The following SUMF1 variants were observed in gnomAD, a reference collection of about 807,000 sequenced individuals.
SUMF1 encodes the protein formylglycine-generating enzyme.
In SUMF1, 48 loss-of-function variants were observed where a neutral mutation model predicts 47.6. The observed-to-expected ratio is 1.01, with a 90% CI of 0.80 to 1.28. The LOEUF is 1.28. Among genes scored for constraint, SUMF1 ranks in the 50% most tolerant of loss-of-function variants. The pLI is 0.00. For synonymous variants in SUMF1, 230 were observed against 192.1 expected, an observed-to-expected ratio of 1.20 and a Z score of -1.63; for missense variants, 571 against 485.4, an observed-to-expected ratio of 1.18 and a Z score of -1.66.
intron 8 of SUMF1, among the ~76,000 whole-genome samples, chr3:4,301,867 G>C (rs1052335745): frequency 6.6e-6 from 1 of 152,224 alleles, no homozygotes; most frequent in African/African-American, 2.4e-5. Context: ...ATCTGGGTTG[G>C]AGACTGGTGA....
chr3:4,182,727 G>A (rs1020444259), intron 8 of SUMF1, among the ~76,000 whole-genome samples: 3 of 152,058 alleles, frequency 2.0e-5, no homozygotes, highest in Non-Finnish European at 2.9e-5. Context: ...TGGACTTCAG[G>A]TATAGTTTTG....
intron 8 of SUMF1, chr3:4,317,370 T>C: frequency 1.4e-6 from 1 of 699,792 alleles, no homozygotes; most frequent in Non-Finnish European, 2.3e-6. Context: ...TGAAGTAGAT[T>C]CCACGGACTT....
At chr3:4,084,661 C>T (rs952084629) in intron 8 of SUMF1, among the ~76,000 whole-genome samples, 1 of 152,086 alleles carries the variant, frequency 6.6e-6, no homozygotes, top group Non-Finnish European at 1.5e-5. Flanking sequence ...ATCTTTGATC[C>T]ATAGAACTGC....
chr3:4,155,946 A>G (rs1179993954), intron 8 of SUMF1, among the ~76,000 whole-genome samples: 1 of 151,360 alleles, frequency 6.6e-6, no homozygotes, highest in Admixed American at 6.6e-5. Flanking sequence ...TCCCCTGAAC[A>G]CAGTAATTAC....
At chr3:4,442,356 C>T (rs62231413) in intron 3 of SUMF1, among the ~76,000 whole-genome samples, 12,375 of 138,666 alleles carry the variant, frequency 0.089, 612 homozygotes, top group East Asian at 0.26. Context: ...CCCGGGTTCA[C>T]GCCATTCTCC....
Position 4,361,773 on chromosome 3 carries a change from G to C in SUMF1, c.*371C>G, listed in dbSNP as rs1699765277. On this transcript the variant is annotated 3_prime_UTR_variant, in exon 9 of 9. Transcript: ENST00000272902. ...GGTCATGCTGTCCATCCCTTCATTT[G>C]ATAGGGGAGGGCACTTGAGGCCCAG... 1 of 285,384 alleles carries C rather than the reference G, an allele frequency of 3.5e-6. No individual in the cohort carries two copies. The highest frequency in any genetic ancestry group is 6.8e-6 in the Non-Finnish European group (1 of 146,702). 17.7% of individuals were successfully genotyped at this position (285,384 alleles called of 1,614,324 possible). A position where few individuals can be genotyped will look rare whatever the true frequency, so the allele number is the denominator to read the frequency against.
intron 9 of SUMF1, among the ~76,000 whole-genome samples, chr3:4,051,006 A>T (rs1695101366): frequency 6.6e-6 from 1 of 151,984 alleles, no homozygotes; most frequent in Admixed American, 6.6e-5. Context: ...TATTTTGCTG[A>T]TATTGTTGAT....
At position 4,361,580 on chromosome 3, in the gene SUMF1, C is replaced by T. The variant is rs1205440760; in HGVS notation, c.*564G>A. ...AATATAAAGGAGTCACCACACCCCT[C>T]TTCCGAAAATAATACATAAGAGAAC... On this transcript the variant is annotated 3_prime_UTR_variant, in exon 9 of 9. Coordinates refer to ENST00000272902, the MANE Select transcript of SUMF1 (RefSeq NM_182760.4). 3 of 159,382 alleles carry T rather than the reference C, an allele frequency of 1.9e-5. 1 individual carries two copies. Among genetic ancestry groups the T allele is most frequent in the African/African-American group, 7.2e-5 (3 of 41,508 alleles). 9.9% of individuals were successfully genotyped at this position (159,382 alleles called of 1,614,324 possible). A position where few individuals can be genotyped will look rare whatever the true frequency, so the allele number is the denominator to read the frequency against.
At chr3:4,134,697 A>G (rs1021918568) in intron 8 of SUMF1, among the ~76,000 whole-genome samples, 10 of 152,128 alleles carry the variant, frequency 6.6e-5, no homozygotes, top group African/African-American at 2.2e-4. Context: ...GTTTTTTGAA[A>G]AGATCAACAA....
chr3:4,178,556 T>A (rs1430281431), intron 8 of SUMF1, among the ~76,000 whole-genome samples: 1 of 152,258 alleles, frequency 6.6e-6, no homozygotes, highest in East Asian at 1.9e-4. Context: ...CAATAAGAGC[T>A]ATTTATGACA....
chr3:4,187,175 G>C (rs1695217226), intron 8 of SUMF1, among the ~76,000 whole-genome samples: 1 of 152,000 alleles, frequency 6.6e-6, no homozygotes, highest in Non-Finnish European at 1.5e-5. Context: ...TATGAGACCA[G>C]CCTGGGCAAC....
chr3:4,129,896 C>A (rs1421249540), intron 8 of SUMF1, among the ~76,000 whole-genome samples: 1 of 152,116 alleles, frequency 6.6e-6, no homozygotes, highest in Non-Finnish European at 1.5e-5. Context: ...TGTCAGAATG[C>A]ATAATTGGCA....
intron 8 of SUMF1, among the ~76,000 whole-genome samples, chr3:4,322,741 G>GT (rs1438866394): frequency 6.6e-6 from 1 of 151,876 alleles, no homozygotes; most frequent in East Asian, 1.9e-4. Context: ...TCATATATTG[G>GT]TTGGTTGGTT....
At chr3:4,283,613 C>T (rs1057406014) in intron 8 of SUMF1, among the ~76,000 whole-genome samples, 2 of 152,094 alleles carry the variant, frequency 1.3e-5, no homozygotes, top group Admixed American at 1.3e-4. Context: ...AAATGGCCAA[C>T]AGTATATATA....
intron 8 of SUMF1, among the ~76,000 whole-genome samples, chr3:4,169,905 C>T (rs574942389): frequency 2.6e-5 from 4 of 152,210 alleles, no homozygotes; most frequent in South Asian, 4.1e-4. Context: ...AGAGAGTTTT[C>T]CTTGAGAGGT....
intron 8 of SUMF1, among the ~76,000 whole-genome samples, chr3:4,252,497 T>C (rs1474071605): frequency 2.0e-5 from 3 of 152,138 alleles, no homozygotes; most frequent in Non-Finnish European, 4.4e-5. Flanking sequence ...CTTTCAAATA[T>C]TGAAAAATCA....
chr3:4,456,080 A>G (rs1459790886), intron 1 of SUMF1, among the ~76,000 whole-genome samples: 1 of 152,244 alleles, frequency 6.6e-6, no homozygotes, highest in Non-Finnish European at 1.5e-5. Flanking sequence ...TATGCAAACT[A>G]CAAATGTGAT....
chr3:4,309,873 T>TC, intron 8 of SUMF1, among the ~76,000 whole-genome samples: 1 of 152,358 alleles, frequency 6.6e-6, no homozygotes, highest in African/African-American at 2.4e-5. Flanking sequence ...ATTATTTAAC[T>TC]ATGGGGAAAC....
chr3:4,314,074 G>C (rs1432439913), intron 8 of SUMF1: 18 of 472,252 alleles, frequency 3.8e-5, no homozygotes, highest in East Asian at 2.9e-4. Context: ...CTGCTGGCTG[G>C]AATGTATACA....
Sources: allele counts gnomAD v4.1 joint callset (sites outside exome capture counted in the v4.1 genomes callset), GRCh38; gene constraint gnomAD v4.1.1; transcripts MANE v1.5; gene names NCBI Gene and HGNC (gene_info 2026-07-23, HGNC 2026-07-21).